Variants in NCKAP1 observed in about 807,000 individuals in gnomAD.
NCKAP1 encodes nck-associated protein 1.
NCKAP1 carries 21 observed loss-of-function variants against 151.2 expected under a neutral mutation model. That is an observed-to-expected ratio of 0.14 (90% CI 0.10 to 0.20). The LOEUF (loss-of-function observed/expected upper bound fraction) is 0.20. NCKAP1 is among the 10% of genes least tolerant of loss of function. The probability of loss-of-function intolerance (pLI) is 1.00; values close to 1 mark genes in which losing one functional copy is unlikely to be tolerated. For synonymous variants in NCKAP1, 484 were observed against 451.8 expected (o/e 1.07, Z -0.90); for missense variants, 933 against 1,352.1 (o/e 0.69, Z 4.86).
Position 182,976,940 on chromosome 2 carries a change from C to T in NCKAP1, c.1435G>A (p.Glu479Lys). The change falls in exon 15 of 31, where the codon GAA becomes AAA. Residue 479 changes from glutamate to lysine, a missense_variant. By Grantham distance (56) the Glu-to-Lys change is moderately conservative. This residue lies in a region of NCKAP1 where 607 missense variants were observed against 795.0 expected (regional missense o/e 0.76). Coordinates refer to ENST00000361354, the MANE Select transcript of NCKAP1 (RefSeq NM_013436.5). ...SLSVKQVEDG[E>K]VFDFRGMRLD... ...CTCATTCCTCTGAAATCAAATACTT[C>T]CCCATCTTCAACTGTAGTAATAGAA... 1 of 1,541,050 alleles carries T rather than the reference C, an allele frequency of 6.5e-7. No homozygotes were observed. The highest frequency in any genetic ancestry group is 8.8e-7 in the Non-Finnish European group (1 of 1,139,844).
At chr2:182,952,668 A>G in intron 22 of NCKAP1, 125 bp downstream of exon 22, 1 of 1,156,116 alleles carries the variant, frequency 8.6e-7, no homozygotes, top group Non-Finnish European at 1.2e-6. Context: ...TCTAAGATAC[A>G]ATATGCAGTT....
At chr2:182,994,766 C>A in intron 8 of NCKAP1, 73 bp downstream of exon 8, 1 of 1,232,592 alleles carries the variant, frequency 8.1e-7, no homozygotes, top group African/African-American at 1.5e-5. Context: ...GAGGTAGTAA[C>A]CATGTCACCT....
At chr2:182,983,212 T>A in intron 11 of NCKAP1, 74 bp downstream of exon 11, 1 of 1,238,094 alleles carries the variant, frequency 8.1e-7, no homozygotes, top group Non-Finnish European at 1.1e-6. Context: ...CAAATTTCAG[T>A]AAAATTTCAC....
At chr2:182,959,283 G>A (rs1427690875) in intron 18 of NCKAP1, among the ~76,000 whole-genome samples, 2 of 152,134 alleles carry the variant, frequency 1.3e-5, no homozygotes, top group Non-Finnish European at 2.9e-5. Context: ...AGAGACCAGA[G>A]TGTTGAATCT....
chr2:182,990,953 C>A (rs1237134684), intron 8 of NCKAP1, among the ~76,000 whole-genome samples: 1 of 152,122 alleles, frequency 6.6e-6, no homozygotes, highest in Non-Finnish European at 1.5e-5. Flanking sequence ...ATTATTCAAT[C>A]TGGCACACAA....
At chr2:183,002,401 T>A (rs1698390811) in intron 4 of NCKAP1, 132 bp from the exon 5 acceptor site, 1 of 631,320 alleles carries the variant, frequency 1.6e-6, no homozygotes, top group African/African-American at 1.9e-5. Context: ...AAAATGCTAA[T>A]TCCTTTCACT....
At chr2:183,019,273 T>G (rs1230988603) in intron 2 of NCKAP1, among the ~76,000 whole-genome samples, 1 of 152,090 alleles carries the variant, frequency 6.6e-6, no homozygotes, top group East Asian at 1.9e-4. Context: ...ATAATAACAC[T>G]ATTGTGCCAG....
intron 15 of NCKAP1, among the ~76,000 whole-genome samples, chr2:182,976,190 C>T (rs1310222484): frequency 6.6e-6 from 1 of 152,096 alleles, no homozygotes; most frequent in Non-Finnish European, 1.5e-5. Flanking sequence ...AAAATATTTA[C>T]AGGGCAACTA....
At chr2:182,935,201 G>T in intron 25 of NCKAP1, 92 bp downstream of exon 25, 2 of 867,514 alleles carry the variant, frequency 2.3e-6, no homozygotes, top group South Asian at 1.7e-5. Flanking sequence ...TTATATCATT[G>T]CTAAGCATGA....
chr2:182,982,906 A>C lies in NCKAP1; in HGVS notation c.1123T>G (p.Leu375Val). Residue 375 changes from leucine to valine, a missense_variant, in exon 12 of 31, where the codon TTA (leucine) becomes GTA (valine). Transcript: ENST00000361354. Reference protein sequence around the residue: ...GPKALFVFMALSFARDEIIWL... With the variant: ...GPKALFVFMAVSFARDEIIWL... ...ATGATTTCATCACGGGCAAAGGATAATGCCATAAAAACAAAAAGTGCCTGT... is the reference window on the plus strand; with the variant it reads ...ATGATTTCATCACGGGCAAAGGATACTGCCATAAAAACAAAAAGTGCCTGT... The C allele has an allele frequency of 6.2e-7, 1 of 1,605,048 alleles. No individual in the cohort carries two copies. The highest frequency in any genetic ancestry group is 8.5e-7 in the Non-Finnish European group (1 of 1,176,348).
intron 18 of NCKAP1, among the ~76,000 whole-genome samples, chr2:182,960,494 T>C (rs1201843411): frequency 2.6e-5 from 4 of 152,206 alleles, no homozygotes; most frequent in African/African-American, 4.8e-5. Context: ...TGATTCCCTA[T>C]TTAATAAATG....
intron 14 of NCKAP1, among the ~76,000 whole-genome samples, chr2:182,978,160 A>G (rs1363949859): frequency 1.3e-5 from 2 of 152,236 alleles, no homozygotes; most frequent in Non-Finnish European, 2.9e-5. Flanking sequence ...TAGATGTGGT[A>G]GCAATAAAGA....
At chr2:182,966,397 T>A (rs1439694032) in intron 16 of NCKAP1, among the ~76,000 whole-genome samples, 2 of 151,864 alleles carry the variant, frequency 1.3e-5, no homozygotes, top group African/African-American at 4.8e-5. Context: ...GCGATTCTCC[T>A]GCTTCAAGCC....
intron 30 of NCKAP1, among the ~76,000 whole-genome samples, chr2:182,926,108 A>G (rs534030526): frequency 2.8e-4 from 43 of 152,150 alleles, no homozygotes; most frequent in African/African-American, 9.9e-4. Context: ...TATACTAGAA[A>G]TAAAAGACAA....
Position 182,910,426 on chromosome 2 carries a change from T to C in NCKAP1, c.*15276A>G, listed in dbSNP as rs746789326. 1 of 152,248 alleles carries C rather than the reference T, an allele frequency of 6.6e-6. No homozygotes were observed. The highest frequency in any genetic ancestry group is 1.5e-5 in the Non-Finnish European group (1 of 68,044). 9.4% of individuals were successfully genotyped at this position (152,248 alleles called of 1,614,324 possible). Reference sequence around the variant, plus strand: ...ACAGTGATTATAAATTGGGCATGGATGTTAATGTATACTCATATGTGCCCA... The same window carrying C: ...ACAGTGATTATAAATTGGGCATGGACGTTAATGTATACTCATATGTGCCCA... On this transcript the variant is annotated 3_prime_UTR_variant, in exon 31 of 31. Coordinates refer to ENST00000361354, the MANE Select transcript of NCKAP1 (RefSeq NM_013436.5).
Position 183,038,401 on chromosome 2 carries a change from G to A in NCKAP1, c.-302C>T, listed in dbSNP as rs923714473. 1 of 233,080 alleles carries A rather than the reference G, an allele frequency of 4.3e-6. No homozygotes were observed. The highest frequency in any genetic ancestry group is 1.4e-4 in the South Asian group (1 of 7,182). 14.4% of individuals were successfully genotyped at this position (233,080 alleles called of 1,614,324 possible). A position where few individuals can be genotyped will look rare whatever the true frequency, so the allele number is the denominator to read the frequency against. ...AGCCCCCAACGAGCCGCCTTCCCCG[G>A]CTGCTCCACTAGGTGTGGCGGCGGC... On this transcript the variant is annotated 5_prime_UTR_variant, in exon 1 of 31. Coordinates refer to ENST00000361354, the MANE Select transcript of NCKAP1 (RefSeq NM_013436.5).
intron 29 of NCKAP1, among the ~76,000 whole-genome samples, chr2:182,927,566 T>C (rs1241037935): frequency 6.7e-6 from 1 of 149,114 alleles, no homozygotes; most frequent in African/African-American, 2.5e-5. Context: ...AAGAACTACA[T>C]TGATAGAGAA....
intron 29 of NCKAP1, 127 bp from the exon 30 acceptor site, chr2:182,927,032 T>A: frequency 1.6e-6 from 1 of 616,478 alleles, no homozygotes; most frequent in Non-Finnish European, 2.8e-6. Context: ...AATGAGCAAT[T>A]AAATAAGATG....
intron 2 of NCKAP1, among the ~76,000 whole-genome samples, chr2:183,016,527 G>A (rs1222532052): frequency 6.6e-6 from 1 of 152,016 alleles, no homozygotes; most frequent in East Asian, 1.9e-4. Flanking sequence ...TAATTGGTCG[G>A]GACCAAATAT....
Sources: gnomAD v4.1 joint callset for allele counts (sites outside exome capture counted in the v4.1 genomes callset) on GRCh38, gnomAD v4.1.1 for gene constraint, gnomAD v4.1.1 regional missense constraint, MANE v1.5 for transcripts, NCBI Gene and HGNC (gene_info 2026-07-23, HGNC 2026-07-21) for gene names.